DNAAF1: variants seen among roughly 807,000 people sequenced by gnomAD.
DNAAF1 encodes dynein assembly factor 1, axonemal.
A neutral mutation model predicts 71.1 loss-of-function variants in DNAAF1; 65 were observed. The ratio of observed to expected loss-of-function variants is 0.91; its 90% confidence interval spans 0.75 to 1.12. The LOEUF (loss-of-function observed/expected upper bound fraction) is 1.12. DNAAF1 is among the 50% of genes most tolerant of loss of function. The probability of loss-of-function intolerance (pLI) is 0.00; values close to 1 mark genes in which losing one functional copy is unlikely to be tolerated. For synonymous variants in DNAAF1, 414 were observed against 354.6 expected, an observed-to-expected ratio of 1.17 and a Z score of -1.88; for missense variants, 1,178 against 899.8, an observed-to-expected ratio of 1.31 and a Z score of -3.96.
intron 4 of DNAAF1, 24 bp downstream of exon 4, chr16:84,154,822 T>G: frequency 6.4e-7 from 1 of 1,569,838 alleles, no homozygotes; most frequent in Non-Finnish European, 8.8e-7. Flanking sequence ...GCAAGCAGTG[T>G]GTCTGTTTGC....
intron 11 of DNAAF1, 136 bp from the exon 12 acceptor site, chr16:84,177,593 T>G (rs2088793309): frequency 6.6e-6 from 5 of 756,546 alleles, no homozygotes; most frequent in Non-Finnish European, 1.2e-5. Flanking sequence ...CCTCCCAAAG[T>G]GCTGGGATTA....
rs761549054 is a variant in DNAAF1, at chr16:84,176,248, C to G, written c.2014C>G (p.Leu672Val). 3.2e-5 allele frequency: 52 copies of G among 1,613,622 alleles called. No individual in the cohort carries two copies. The South Asian group carries it at 5.4e-4, about 17-fold the overall frequency. Residue 672 changes from leucine (L) to valine (V), a missense_variant, in exon 11 of 12, where the codon CTC becomes GTC. Leu to Val is a conservative substitution (Grantham distance 32). Coordinates refer to ENST00000378553, the MANE Select transcript of DNAAF1 (RefSeq NM_178452.6). ...CACCTGCCAAAGAGATGCTGCACCACTCACTTCCAGTGGAGACAGGGACAG... is the reference window on the plus strand; with the variant it reads ...CACCTGCCAAAGAGATGCTGCACCAGTCACTTCCAGTGGAGACAGGGACAG... ...PPTCQRDAAP[L>V]TSSGDRDSDF...
At chr16:84,147,432 A>C (rs1041442477) in intron 1 of DNAAF1, among the ~76,000 whole-genome samples, 18 of 152,210 alleles carry the variant, frequency 1.2e-4, no homozygotes, top group Non-Finnish European at 2.1e-4. Flanking sequence ...CTTTAAAAAA[A>C]TTATTCATTT....
At chr16:84,173,374 G>C in intron 9 of DNAAF1, 9 of 678,234 alleles carry the variant, frequency 1.3e-5, no homozygotes, top group Non-Finnish European at 1.6e-5. Context: ...TGAGGCAGGA[G>C]AATGGCAGGA....
chr16:84,163,456 C>G (rs1254692800), intron 6 of DNAAF1, among the ~76,000 whole-genome samples: 2 of 151,240 alleles, frequency 1.3e-5, no homozygotes, highest in African/African-American at 2.4e-5. Flanking sequence ...TCTGAGCTCA[C>G]TGCAACCTCT....
At chr16:84,146,080 G>A (rs184408903) in intron 1 of DNAAF1, among the ~76,000 whole-genome samples, 94 of 152,108 alleles carry the variant, frequency 6.2e-4, no homozygotes, top group South Asian at 1.7e-3. Context: ...CCGGACGACA[G>A]TGGGAGACTC....
chr16:84,156,085 C>T (rs1047374959), intron 5 of DNAAF1, among the ~76,000 whole-genome samples: 3 of 152,154 alleles, frequency 2.0e-5, no homozygotes, highest in African/African-American at 7.2e-5. Context: ...GCCTCAGCAT[C>T]CCGAGTAGCT....
rs761520482 is a variant in DNAAF1 at position 84,150,371 on chromosome 16, C to T, written c.352+29C>T. The T allele has an allele frequency of 4.0e-6, 6 of 1,512,722 alleles. No homozygotes were observed. The African/African-American group carries it at 4.1e-5, about 10-fold the overall frequency. The allele number at this position is 1,512,722 out of a possible 1,614,324, so 93.7% of individuals were successfully genotyped here. On this transcript the variant is annotated intron_variant, in intron 3 of 11. Transcript: ENST00000378553. ...AGGACCTAAGAGAGGAAGTGCTTCA[C>T]GTCAGGTGGAAAGATTCTGTCTAGC...
At chr16:84,147,101 T>G (rs1439199660) in intron 1 of DNAAF1, among the ~76,000 whole-genome samples, 7 of 152,214 alleles carry the variant, frequency 4.6e-5, no homozygotes, top group African/African-American at 1.7e-4. Flanking sequence ...TCCTCATCTG[T>G]AAGCTGGAAT....
intron 6 of DNAAF1, among the ~76,000 whole-genome samples, chr16:84,161,758 A>G (rs2087725754): frequency 6.6e-6 from 1 of 151,798 alleles, no homozygotes; most frequent in Non-Finnish European, 1.5e-5. Context: ...GTATCTGCTC[A>G]TCTGTCGTTT....
chr16:84,152,428 A>C lies in DNAAF1; in HGVS notation c.352+2086A>C, dbSNP rs560120159. ...AGCAATGTGGGAGGCCAAGGCAGGC[A>C]GATCAGGAGTTTGAGACCAGTCTGG... is the stretch of plus-strand genomic sequence containing the variant. On this transcript the variant is annotated intron_variant, in intron 3 of 11. Transcript: ENST00000378553. Among the ~76,000 whole-genome samples the C allele has an allele frequency of 6.3e-4, 95 of 151,026 alleles. 2 individuals are homozygous for C. The highest frequency in any genetic ancestry group is 2.1e-3 in the African/African-American group (86 of 41,054).
chr16:84,145,816 G>C (rs1030856202), intron 1 of DNAAF1, among the ~76,000 whole-genome samples: 1 of 152,204 alleles, frequency 6.6e-6, no homozygotes, highest in Non-Finnish European at 1.5e-5. Flanking sequence ...GACTTGGCCG[G>C]GTGCGGTGGC....
chr16:84,176,262 A>T lies in DNAAF1; in HGVS notation c.2028A>T (p.Gly676=). 6.2e-7 allele frequency: 1 copy of T among 1,613,586 alleles called. No homozygotes were observed. The highest frequency in any genetic ancestry group is 8.5e-7 in the Non-Finnish European group (1 of 1,180,008). Residue 676 remains glycine, a synonymous_variant, in exon 11 of 12, where the codon GGA becomes GGT. Coordinates refer to ENST00000378553, the MANE Select transcript of DNAAF1 (RefSeq NM_178452.6). ...ATGCTGCACCACTCACTTCCAGTGG[A>T]GACAGGGACAGCGACTTCCTTGCAG... The part of the protein sequence containing the change: ...QRDAAPLTSS[G]DRDSDFLAAS...
In DNAAF1 at chr16:84,176,274, C is replaced by G. The variant is rs753229144; in HGVS notation, c.2040C>G (p.Ser680Arg). The part of the protein sequence containing the change: ...APLTSSGDRD[S>R]DFLAASSPVP... ...TCACTTCCAGTGGAGACAGGGACAG[C>G]GACTTCCTTGCAGCCTCTTCTCCGG... The change falls in exon 11 of 12, where the codon AGC becomes AGG. Residue 680 changes from serine to arginine, a missense_variant. Transcript: ENST00000378553. 6.8e-6 allele frequency: 11 copies of G among 1,613,554 alleles called. No individual in the cohort carries two copies. The highest frequency in any genetic ancestry group is 1.1e-5 in the South Asian group (1 of 91,090).
chr16:84,152,136 G>T (rs1339839171), intron 3 of DNAAF1, among the ~76,000 whole-genome samples: 1 of 152,212 alleles, frequency 6.6e-6, no homozygotes, highest in Non-Finnish European at 1.5e-5. Context: ...GGATCTTAGG[G>T]AGACTTTAGC....
At chr16:84,145,943 A>G (rs1436238177) in intron 1 of DNAAF1, among the ~76,000 whole-genome samples, 1 of 152,046 alleles carries the variant, frequency 6.6e-6, no homozygotes, top group Non-Finnish European at 1.5e-5. Flanking sequence ...TAAAAATACA[A>G]AAAATGAGCT....
rs112082616 is a variant in DNAAF1 at position 84,151,817 on chromosome 16, C to T, written c.352+1475C>T. ...GGCTCTAGGCCTCAGACCCTCATAG[C>T]TGTCAGCCAGAGGCCTTAATTTCTC... On this transcript the variant is annotated intron_variant, in intron 3 of 11. Coordinates refer to ENST00000378553, the MANE Select transcript of DNAAF1 (RefSeq NM_178452.6). Among the ~76,000 whole-genome samples the T allele has an allele frequency of 7.3e-3, 1,113 of 152,344 alleles. 17 individuals are homozygous for T. The highest frequency in any genetic ancestry group is 0.025 in the African/African-American group (1,058 of 41,580).
rs183575008 is a variant in DNAAF1 at position 84,176,713 on chromosome 16, C to T, written c.2065+414C>T. 9.4e-4 allele frequency: 278 copies of T among 294,450 alleles called. 5 individuals carry two copies. Among genetic ancestry groups the T allele is most frequent in the African/African-American group, 5.4e-3 (252 of 46,568 alleles). The allele number at this position is 294,450 out of a possible 1,614,324, so 18.2% of individuals were successfully genotyped here. A position where few individuals can be genotyped will look rare whatever the true frequency, so the allele number is the denominator to read the frequency against. On this transcript the variant is annotated intron_variant, in intron 11 of 11. Transcript: ENST00000378553. Reference sequence around the variant, plus strand: ...CCACTGCTGGGGAGTGTGGGGCAAGCGAGGTGACAGCCACACAAGGGCGTG... The same window carrying T: ...CCACTGCTGGGGAGTGTGGGGCAAGTGAGGTGACAGCCACACAAGGGCGTG...
At chr16:84,175,176 C>T in intron 10 of DNAAF1, 1 of 225,780 alleles carries the variant, frequency 4.4e-6, no homozygotes, top group Non-Finnish European at 9.0e-6. Flanking sequence ...ATATTTTCAC[C>T]TTGCTGAAGG....
Sources: allele counts gnomAD v4.1 joint callset (sites outside exome capture counted in the v4.1 genomes callset), GRCh38; gene constraint gnomAD v4.1.1; transcripts MANE v1.5; gene names NCBI Gene and HGNC (gene_info 2026-07-23, HGNC 2026-07-21).